The following TTC33 variants were observed in gnomAD, a reference collection of about 807,000 sequenced individuals.
TTC33 encodes tetratricopeptide repeat protein 33.
In TTC33, 24 loss-of-function variants were observed where a neutral mutation model predicts 29.4. That is an observed-to-expected ratio of 0.82 (90% CI 0.59 to 1.15). TTC33 has a LOEUF of 1.15. TTC33 is among the 50% of genes most tolerant of loss of function. The pLI, the probability that TTC33 is intolerant of heterozygous loss-of-function variation, is 0.00. For synonymous variants in TTC33, 107 were observed against 100.3 expected (o/e 1.07, Z -0.40); for missense variants, 286 against 310.4 (o/e 0.92, Z 0.59).
At chr5:40,719,816 C>A (rs1461913096) in intron 4 of TTC33, among the ~76,000 whole-genome samples, 1 of 152,152 alleles carries the variant, frequency 6.6e-6, no homozygotes, top group Non-Finnish European at 1.5e-5. Flanking sequence ...TTCATGTGCT[C>A]ATTAGCTGTG....
At chr5:40,754,937 G>C (rs1386659897) in intron 1 of TTC33, among the ~76,000 whole-genome samples, 1 of 152,166 alleles carries the variant, frequency 6.6e-6, no homozygotes, top group Non-Finnish European at 1.5e-5. Flanking sequence ...AGGCTTTCCT[G>C]AGTCTAGTTA....
intron 2 of TTC33, among the ~76,000 whole-genome samples, chr5:40,733,874 G>T (rs545809793): frequency 5.1e-4 from 78 of 152,076 alleles, no homozygotes; most frequent in Non-Finnish European, 6.6e-4. Context: ...TATTAGGCAG[G>T]TATGCATGTG....
intron 1 of TTC33, among the ~76,000 whole-genome samples, chr5:40,755,352 A>G (rs772357232): frequency 2.0e-5 from 3 of 152,330 alleles, no homozygotes; most frequent in African/African-American, 4.8e-5. Context: ...ATTTACCCAA[A>G]AACGCCACCG....
chr5:40,752,979 G>A (rs147805749), intron 1 of TTC33, among the ~76,000 whole-genome samples: 97 of 152,290 alleles, frequency 6.4e-4, no homozygotes, highest in African/African-American at 2.2e-3. Context: ...AAGACCTACC[G>A]TAATGGCAGA....
At chr5:40,739,137 A>ATG (rs1254214207) in intron 2 of TTC33, among the ~76,000 whole-genome samples, 7 of 152,004 alleles carry the variant, frequency 4.6e-5, no homozygotes, top group Non-Finnish European at 1.0e-4. Context: ...CTAGTACTAT[A>ATG]AAGGTATAAC....
intron 2 of TTC33, among the ~76,000 whole-genome samples, chr5:40,739,515 G>A (rs550979828): frequency 2.6e-5 from 4 of 152,256 alleles, no homozygotes; most frequent in East Asian, 1.9e-4. Context: ...TACTGTTCTC[G>A]TGATAGTGAG....
chr5:40,719,967 T>C (rs1742090017), intron 4 of TTC33, among the ~76,000 whole-genome samples: 1 of 152,230 alleles, frequency 6.6e-6, no homozygotes, highest in African/African-American at 2.4e-5. Flanking sequence ...GATTTACAAA[T>C]ATTTTCTTCC....
chr5:40,738,282 T>C (rs978371905), intron 2 of TTC33, among the ~76,000 whole-genome samples: 2 of 151,500 alleles, frequency 1.3e-5, no homozygotes, highest in Admixed American at 1.3e-4. Context: ...CATAGAGTGG[T>C]GCGCGCCTGT....
chr5:40,727,136 T>C (rs1263319887), intron 4 of TTC33, among the ~76,000 whole-genome samples: 2 of 152,312 alleles, frequency 1.3e-5, no homozygotes, highest in Middle Eastern at 6.8e-3. Flanking sequence ...ATGATACATT[T>C]ATAAGAATGC....
chr5:40,735,467 C>T (rs1189117325), intron 2 of TTC33, among the ~76,000 whole-genome samples: 1 of 152,060 alleles, frequency 6.6e-6, no homozygotes, highest in Non-Finnish European at 1.5e-5. Flanking sequence ...GAAAGAAATC[C>T]AGGATAATTT....
rs1457795380 is a variant in TTC33, at chr5:40,716,333, T to C, written c.601A>G (p.Ile201Val). 7 of 1,614,104 alleles carry C rather than the reference T, an allele frequency of 4.3e-6. No homozygotes were observed. Among genetic ancestry groups the C allele is most frequent in the East Asian group, 2.2e-5 (1 of 44,894 alleles). Residue 201 changes from isoleucine (I) to valine (V), a missense_variant, in exon 5 of 5, where the codon ATT becomes GTT. By Grantham distance (29) the Ile-to-Val change is conservative (BLOSUM62 3). Transcript: ENST00000337702. ...AEVTHFSPKSIPDYDFESDEI... is the reference protein window; with the variant it reads ...AEVTHFSPKSVPDYDFESDEI... Reference sequence around the variant, plus strand: ...TCACTTTCAAAGTCATAGTCTGGAATTGACTTTGGTGAAAAGTGTGTTACT... The same window carrying C: ...TCACTTTCAAAGTCATAGTCTGGAACTGACTTTGGTGAAAAGTGTGTTACT...
At position 40,728,474 on chromosome 5, in the gene TTC33, C is replaced by A. The variant is rs61734322; in HGVS notation, c.306G>T (p.Val102=). The A allele has an allele frequency of 1.2e-5, 19 of 1,591,950 alleles. No individual in the cohort carries two copies. The African/African-American group carries it at 1.6e-4, about 14-fold the overall frequency. The change falls in exon 4 of 5, where the codon GTG becomes GTT. Residue 102 remains valine, a splice_region_variant and synonymous_variant. Coordinates refer to ENST00000337702, the MANE Select transcript of TTC33 (RefSeq NM_012382.3). ...DATLYEMKSQ[V]LMSLHEMFPA... ...GGAACATTTCATGAAGAGACATTAGCACCTATAGGCAAAAAAAGACCAAAA... is the reference window on the plus strand; with the variant it reads ...GGAACATTTCATGAAGAGACATTAGAACCTATAGGCAAAAAAAGACCAAAA...
chr5:40,754,637 A>G (rs544446678), intron 1 of TTC33, among the ~76,000 whole-genome samples: 3 of 152,336 alleles, frequency 2.0e-5, no homozygotes, highest in African/African-American at 7.2e-5. Flanking sequence ...TTTTCTTCAA[A>G]AGTGTCTGGA....
In TTC33 at chr5:40,728,496, A is replaced by C. The variant is rs1244118333; in HGVS notation, c.304-20T>G. 6.4e-7 allele frequency: 1 copy of C among 1,573,324 alleles called. No individual in the cohort carries two copies. ...TAGCACCTATAGGCAAAAAAAGACC[A>C]AAAAATCTGTCAGTAATATTCATAA... On this transcript the variant is annotated intron_variant, in intron 3 of 4. Coordinates refer to ENST00000337702, the MANE Select transcript of TTC33 (RefSeq NM_012382.3).
intron 2 of TTC33, among the ~76,000 whole-genome samples, chr5:40,733,569 C>T (rs973598428): frequency 1.3e-5 from 2 of 152,110 alleles, no homozygotes; most frequent in Non-Finnish European, 2.9e-5. Flanking sequence ...ATTTTCTGCC[C>T]AACTCAACCA....
intron 2 of TTC33, among the ~76,000 whole-genome samples, chr5:40,741,315 C>G (rs1310973689): frequency 6.6e-6 from 1 of 152,044 alleles, no homozygotes; most frequent in Non-Finnish European, 1.5e-5. Context: ...AAGAAATAAC[C>G]CCCTGTGACT....
At chr5:40,726,539 C>T (rs1036590847) in intron 4 of TTC33, among the ~76,000 whole-genome samples, 9 of 139,274 alleles carry the variant, frequency 6.5e-5, no homozygotes, top group African/African-American at 2.3e-4. Flanking sequence ...CTAAAAATTA[C>T]ATTTAAATGG....
rs1299747387 is a variant in TTC33 at position 40,712,124 on chromosome 5, T to C, written c.*4021A>G. On this transcript the variant is annotated 3_prime_UTR_variant, in exon 5 of 5. Coordinates refer to ENST00000337702, the MANE Select transcript of TTC33 (RefSeq NM_012382.3). ...TGAACAGAGGATATCCTAATTCATT[T>C]CACATTCTTCCCTTCCAATTCAATC... Among the ~76,000 whole-genome samples, 3 of 152,170 alleles carry C rather than the reference T, an allele frequency of 2.0e-5. No individual in the cohort carries two copies. Among genetic ancestry groups the C allele is most frequent in the Non-Finnish European group, 2.9e-5 (2 of 68,012 alleles).
At chr5:40,748,947 C>G (rs1045433676) in intron 1 of TTC33, among the ~76,000 whole-genome samples, 1 of 151,744 alleles carries the variant, frequency 6.6e-6, no homozygotes, top group Non-Finnish European at 1.5e-5. Flanking sequence ...CCAGCCTGGC[C>G]AAACCCCATC....
Sources: allele counts gnomAD v4.1 joint callset (sites outside exome capture counted in the v4.1 genomes callset), GRCh38; gene constraint gnomAD v4.1.1; transcripts MANE v1.5; gene names NCBI Gene and HGNC (gene_info 2026-07-23, HGNC 2026-07-21).